DEAF1: variants seen among roughly 807,000 people sequenced by gnomAD.
DEAF1 encodes DEAF1 transcription factor.
In DEAF1, 53 loss-of-function variants were observed where a neutral mutation model predicts 58.9. The observed-to-expected ratio is 0.90, with a 90% confidence interval of 0.72 to 1.13. DEAF1 has a LOEUF of 1.13. Ranked by LOEUF, DEAF1 falls within the 50% of genes most tolerant of loss-of-function variation. The pLI is 0.00. For missense variants in DEAF1, 685 were observed against 791.4 expected (o/e 0.87, Z 1.61); for synonymous variants, 385 against 340.4 (o/e 1.13, Z -1.44).
chr11:678,456 C>A, intron 9 of DEAF1: 2 of 492,704 alleles, frequency 4.1e-6, no homozygotes, highest in South Asian at 1.9e-5. Context: ...AGGGGCGTGC[C>A]CTGCTGCTGT....
rs913660213 is a variant in DEAF1 at position 658,298 on chromosome 11, G to A, written c.1504-4247C>T. 4.6e-5 allele frequency among the ~76,000 whole-genome samples: 7 copies of A among 152,204 alleles called. No individual in the cohort carries two copies. In the East Asian group the frequency reaches 7.7e-4, roughly 17 times the overall value. ...AAAAAAATTAGCCAGGCGTGTTGGC[G>A]GGTGCCTGTACTCCCGGCTACTCGC... On this transcript the variant is annotated intron_variant, in intron 10 of 11. Coordinates refer to ENST00000382409, the MANE Select transcript of DEAF1 (RefSeq NM_021008.4).
intron 6 of DEAF1, among the ~76,000 whole-genome samples, chr11:684,197 C>G (rs1010469688): frequency 6.7e-6 from 1 of 149,350 alleles, no homozygotes; most frequent in Non-Finnish European, 1.5e-5. Context: ...GCGGGCGGAT[C>G]ACATGTGGTC....
intron 4 of DEAF1, 93 bp from the exon 5 acceptor site, chr11:687,090 G>A: frequency 1.3e-6 from 2 of 1,572,828 alleles, no homozygotes; most frequent in Non-Finnish European, 1.7e-6. Flanking sequence ...CCCTCCACCA[G>A]CACCAGCGCC....
chr11:650,021 TAAA>T (rs1554935159), intron 11 of DEAF1, among the ~76,000 whole-genome samples: 1 of 146,988 alleles, frequency 6.8e-6, no homozygotes, highest in South Asian at 2.2e-4. Flanking sequence ...TGAGATTGTC[TAAA>T]AAACAAAAAC....
chr11:651,414 GAAAAA>G, intron 11 of DEAF1: 2 of 234,312 alleles, frequency 8.5e-6, no homozygotes, highest in Non-Finnish European at 1.6e-5. Context: ...ATCTCTGTAA[GAAAAA>G]AAAAAAAAAA....
intron 1 of DEAF1, chr11:700,852 C>T: frequency 1.3e-6 from 1 of 764,020 alleles, no homozygotes; most frequent in East Asian, 2.5e-5. Context: ...GCAGGCTCAC[C>T]TTACAGTGTC....
At chr11:650,738 G>C (rs528021206) in intron 11 of DEAF1, among the ~76,000 whole-genome samples, 1 of 152,018 alleles carries the variant, frequency 6.6e-6, no homozygotes, top group South Asian at 2.1e-4. Context: ...TGGAACACTT[G>C]AGTCCAAGGG....
At chr11:672,120 C>G (rs866665176) in intron 10 of DEAF1, among the ~76,000 whole-genome samples, 1 of 152,220 alleles carries the variant, frequency 6.6e-6, no homozygotes, top group Non-Finnish European at 1.5e-5. Context: ...ATCACCACTA[C>G]AGGTCCTGGG....
intron 9 of DEAF1, chr11:678,286 G>T (rs1264968330): frequency 5.8e-5 from 15 of 259,970 alleles, no homozygotes; most frequent in Non-Finnish European, 9.9e-5. Context: ...AAAGATTTAG[G>T]CCACATTTAG....
chr11:680,159 T>C (rs1264881302), intron 7 of DEAF1: 1 of 348,066 alleles, frequency 2.9e-6, no homozygotes, highest in Non-Finnish European at 5.5e-6. Flanking sequence ...AAATCTTTAA[T>C]CCAAGCTGAA....
chr11:686,279 G>A lies in DEAF1; in HGVS notation c.804+579C>T, dbSNP rs1423336249. On this transcript the variant is annotated intron_variant, in intron 5 of 11. Coordinates refer to ENST00000382409, the MANE Select transcript of DEAF1 (RefSeq NM_021008.4). ...TGCACTCCAGCCTGGGCAACAGGGT[G>A]AGACTCTGTCTCAAAAAAAAAAAAA... Among the ~76,000 whole-genome samples, 3 of 137,652 alleles carry A rather than the reference G, an allele frequency of 2.2e-5. No homozygotes were observed. The Admixed American group carries it at 2.4e-4, about 11-fold the overall frequency. The allele number at this position is 137,652 out of a possible 152,430, so 90.3% of individuals were successfully genotyped here. A position where few individuals can be genotyped will look rare whatever the true frequency, so the allele number is the denominator to read the frequency against.
At chr11:650,766 C>A (rs1858729926) in intron 11 of DEAF1, among the ~76,000 whole-genome samples, 1 of 151,930 alleles carries the variant, frequency 6.6e-6, no homozygotes, top group African/African-American at 2.4e-5. Context: ...CCAGCCTGGG[C>A]AAAATGGCGA....
chr11:687,018 CATG>C lies in DEAF1; in HGVS notation c.665-24_665-22del, dbSNP rs772317224. On this transcript the variant is annotated intron_variant, in intron 4 of 11. Transcript: ENST00000382409. ...GCCGCCTGCAAGGAAGGGCAGCAGT[CATG>C]ATGATGGCAGGTGGGAACGTCACCT... 10 of 1,613,516 alleles carry C rather than the reference CATG, an allele frequency of 6.2e-6. No individual in the cohort carries two copies. The Admixed American group carries it at 6.7e-5, about 11-fold the overall frequency.
Position 688,511 on chromosome 11 carries a change from G to GTGT in DEAF1, c.388-54_388-52dup. The GTGT allele has an allele frequency of 6.2e-7, 1 of 1,610,878 alleles. No homozygotes were observed. Among genetic ancestry groups the GTGT allele is most frequent in the Non-Finnish European group, 8.5e-7 (1 of 1,179,738 alleles). On this transcript the variant is annotated intron_variant, in intron 2 of 11. Transcript: ENST00000382409. This position sits in a 1 kb window ranked among gnomAD's most constrained non-coding sequence, Gnocchi z 4.3. The stretch of plus-strand genomic sequence containing the variant: ...GTCACGTCCGAGAGTGACACCAGGC[G>GTGT]TGTCACTGAGCCCAGCTGGGCCGTC...
chr11:661,773 G>A (rs1157036251), intron 10 of DEAF1, among the ~76,000 whole-genome samples: 2 of 152,190 alleles, frequency 1.3e-5, no homozygotes, highest in African/African-American at 2.4e-5. Flanking sequence ...CCCACTGCTG[G>A]AGGCATGGGT....
chr11:698,508 G>A (rs1275694759), upstream of DEAF1, among the ~76,000 whole-genome samples: 2 of 152,194 alleles, frequency 1.3e-5, no homozygotes, highest in African/African-American at 4.8e-5. Context: ...TGGCAAATAC[G>A]GAGAAGCCAC....
chr11:677,935 CCTGGGCGACAGAGTGACA>C (rs370514768), intron 9 of DEAF1, among the ~76,000 whole-genome samples: 2,205 of 150,398 alleles, frequency 0.015, 56 homozygotes, highest in African/African-American at 0.05. Context: ...TGCACTCCAG[CCTGGGCGACAGAGTGACA>C]CTCTGTCTCA....
chr11:668,148 T>G (rs1370114798), intron 10 of DEAF1, among the ~76,000 whole-genome samples: 1 of 152,024 alleles, frequency 6.6e-6, no homozygotes, highest in Non-Finnish European at 1.5e-5. Flanking sequence ...AACCCAGAAT[T>G]CCATGTCACT....
intron 6 of DEAF1, 124 bp from the exon 7 acceptor site, chr11:681,213 G>A: frequency 7.4e-7 from 1 of 1,344,656 alleles, no homozygotes; most frequent in Non-Finnish European, 1.1e-6. Flanking sequence ...ACATTAAGAT[G>A]GTAAGCGCCC....
Sources: gnomAD v4.1 joint callset for allele counts (sites outside exome capture counted in the v4.1 genomes callset) on GRCh38, gnomAD v4.1.1 for gene constraint, Gnocchi (gnomAD v3.1) non-coding constraint, MANE v1.5 for transcripts, NCBI Gene and HGNC (gene_info 2026-07-23, HGNC 2026-07-21) for gene names.